The following PCDHGB7 variants were observed in gnomAD, a reference collection of about 807,000 sequenced individuals.
The protein encoded by PCDHGB7 is protocadherin gamma subfamily B, 7, also known as protocadherin gamma-B7.
A neutral mutation model predicts 61.4 loss-of-function variants in PCDHGB7; 37 were observed. The ratio of observed to expected loss-of-function variants is 0.60; its 90% CI spans 0.46 to 0.79. The LOEUF (loss-of-function observed/expected upper bound fraction) is 0.79, where lower values mean the gene tolerates loss of function less well. PCDHGB7 is among the 30% of genes least tolerant of loss of function. The probability of loss-of-function intolerance (pLI) is 0.00; values close to 1 mark genes in which losing one functional copy is unlikely to be tolerated. For synonymous variants in PCDHGB7, 464 were observed against 503.5 expected (o/e 0.92, Z 1.05); for missense variants, 1,166 against 1,202.5 (o/e 0.97, Z 0.45).
At chr5:141,497,201 G>A (rs1190666375) in intron 2 of PCDHGB7, among the ~76,000 whole-genome samples, 1 of 93,734 alleles carries the variant, frequency 1.1e-5, no homozygotes, top group African/African-American at 8.6e-5. Flanking sequence ...AGAACAATGT[G>A]AGTGTAATGG....
intron 1 of PCDHGB7, chr5:141,421,916 G>A (rs754653877): frequency 2.5e-6 from 4 of 1,613,646 alleles, no homozygotes; most frequent in Non-Finnish European, 2.5e-6. Flanking sequence ...GTTCCCATTC[G>A]TGTGGTGGTC....
chr5:141,451,797 C>T (rs1207473455), intron 1 of PCDHGB7, among the ~76,000 whole-genome samples: 1 of 152,006 alleles, frequency 6.6e-6, no homozygotes, highest in African/African-American at 2.4e-5. Context: ...CAGAGAATTG[C>T]TTGAACCCAG....
At chr5:141,430,656 G>A in intron 1 of PCDHGB7, 1 of 1,092,670 alleles carries the variant, frequency 9.2e-7, no homozygotes, top group Non-Finnish European at 1.3e-6. Context: ...GGAAACAACG[G>A]AGGAGCTCTG....
At chr5:141,465,831 T>A (rs997004387) in intron 1 of PCDHGB7, among the ~76,000 whole-genome samples, 1 of 151,980 alleles carries the variant, frequency 6.6e-6, no homozygotes, top group African/African-American at 2.4e-5. Context: ...TTGTTTAAAA[T>A]TTCAACTGAG....
intron 1 of PCDHGB7, among the ~76,000 whole-genome samples, chr5:141,475,732 C>T (rs2099367914): frequency 6.6e-6 from 1 of 152,248 alleles, no homozygotes; most frequent in Non-Finnish European, 1.5e-5. Context: ...GCTGGCTTTC[C>T]CTAAGGTAGG....
chr5:141,428,115 G>A (rs753384738), intron 1 of PCDHGB7: 2 of 1,607,178 alleles, frequency 1.2e-6, no homozygotes, highest in Non-Finnish European at 8.5e-7. Flanking sequence ...GCAGGCCATC[G>A]AGCCCGGGCT....
chr5:141,488,193 T>C (rs1211647195), intron 1 of PCDHGB7, among the ~76,000 whole-genome samples: 1 of 152,122 alleles, frequency 6.6e-6, no homozygotes, highest in Non-Finnish European at 1.5e-5. Flanking sequence ...TTGGTCTGGG[T>C]CTTAGGACTC....
intron 1 of PCDHGB7, among the ~76,000 whole-genome samples, chr5:141,469,642 A>G (rs1339074059): frequency 2.0e-5 from 3 of 152,244 alleles, no homozygotes; most frequent in Admixed American, 6.5e-5. Flanking sequence ...AAATATTTTG[A>G]TGACATAATT....
At chr5:141,466,809 C>T (rs1187657283) in intron 1 of PCDHGB7, among the ~76,000 whole-genome samples, 2 of 152,102 alleles carry the variant, frequency 1.3e-5, no homozygotes, top group African/African-American at 4.8e-5. Context: ...CCTATTCAGA[C>T]ATGGTATAAC....
At chr5:141,425,069 A>G (rs771114613) in intron 1 of PCDHGB7, among the ~76,000 whole-genome samples, 1 of 152,170 alleles carries the variant, frequency 6.6e-6, no homozygotes. Context: ...GACAAAAATA[A>G]TTTCAACTGT....
At chr5:141,466,763 C>T (rs960940073) in intron 1 of PCDHGB7, among the ~76,000 whole-genome samples, 31 of 152,272 alleles carry the variant, frequency 2.0e-4, no homozygotes, top group Middle Eastern at 6.8e-3. Context: ...TCTTTTCAAA[C>T]TGTTATCTTA....
chr5:141,478,124 T>C (rs776469996), intron 1 of PCDHGB7: 1 of 1,613,978 alleles, frequency 6.2e-7, no homozygotes, highest in South Asian at 1.1e-5. Flanking sequence ...AACCGAGGAC[T>C]CTCCTGAAGC....
chr5:141,477,168 A>C lies in PCDHGB7; in HGVS notation c.2416-17639A>C, dbSNP rs763187246. 1 of 1,614,210 alleles carries C rather than the reference A, an allele frequency of 6.2e-7. No homozygotes were observed. The highest frequency in any genetic ancestry group is 8.5e-7 in the Non-Finnish European group (1 of 1,180,040). On this transcript the variant is annotated intron_variant, in intron 1 of 3. Transcript: ENST00000398594. This position sits in a 1 kb window ranked among gnomAD's most constrained non-coding sequence, Gnocchi z 4.9. ...GTGGATGTGAATGACAACGCCCCGG[A>C]GATCACAGTCACCTCCGTGTACAGC...
Position 141,418,360 on chromosome 5 carries a change from G to A in PCDHGB7, c.501G>A (p.Leu167=), listed in dbSNP as rs544948410. 3 of 1,613,990 alleles carry A rather than the reference G, an allele frequency of 1.9e-6. No individual in the cohort carries two copies. The highest frequency in any genetic ancestry group is 2.5e-6 in the Non-Finnish European group (3 of 1,179,896). ...AEDPDISMNS[L]SKYQLSPNEY... ...ATCCTGATATTAGTATGAATTCGCT[G>A]AGCAAATACCAACTAAGTCCTAACG... The change falls in exon 1 of 4, where the codon CTG becomes CTA. Residue 167 remains leucine, a synonymous_variant. Coordinates refer to ENST00000398594, the MANE Select transcript of PCDHGB7 (RefSeq NM_018927.4).
rs187307897 is a variant in PCDHGB7 at position 141,505,900 on chromosome 5, A to G, written c.2563+419A>G. 2.6e-4 allele frequency among the ~76,000 whole-genome samples: 39 copies of G among 152,296 alleles called. 1 individual carries two copies. In the East Asian group the frequency reaches 6.8e-3, roughly 26 times the overall value. ...TGTAGAGATTAAATGAGATGATACCACAAAGCATAGAGTTCTGGGCCTGGC... is the reference window on the plus strand; with the variant it reads ...TGTAGAGATTAAATGAGATGATACCGCAAAGCATAGAGTTCTGGGCCTGGC... On this transcript the variant is annotated intron_variant, in intron 3 of 3. Transcript: ENST00000398594.
Position 141,478,415 on chromosome 5 carries a change from C to A in PCDHGB7, c.2416-16392C>A, listed in dbSNP as rs182700706. 5.6e-6 allele frequency: 9 copies of A among 1,613,648 alleles called. No homozygotes were observed. In the East Asian group the frequency reaches 2.0e-4, roughly 36 times the overall value. ...TCAGGTGTATCTCACCACGGACTCC[C>A]GCCGCAGCGACCCGCTGCTGAAGAA... On this transcript the variant is annotated intron_variant, in intron 1 of 3. Coordinates refer to ENST00000398594, the MANE Select transcript of PCDHGB7 (RefSeq NM_018927.4).
Position 141,476,264 on chromosome 5 carries a change from G to C in PCDHGB7, c.2416-18543G>C, listed in dbSNP as rs753184649. The C allele has an allele frequency of 6.2e-7, 1 of 1,614,082 alleles. No individual in the cohort carries two copies. Among genetic ancestry groups the C allele is most frequent in the Non-Finnish European group, 8.5e-7 (1 of 1,180,010 alleles). On this transcript the variant is annotated intron_variant, in intron 1 of 3. Transcript: ENST00000398594. This position sits in a 1 kb window ranked among gnomAD's most constrained non-coding sequence, Gnocchi z 7.6. ...AGAGAAGGGTTTCGCTGTGGGCAAC[G>C]TGGTCGCGAACCTTGGTTTGGATCT...
chr5:141,423,760 G>T, intron 1 of PCDHGB7: 23 of 279,644 alleles, frequency 8.2e-5, no homozygotes, highest in South Asian at 2.0e-4. Flanking sequence ...TGGGGGGGGG[G>T]TGGGGCGGCA....
rs1427881816 is a variant in PCDHGB7 at position 141,486,740 on chromosome 5, T to C, written c.2416-8067T>C. ...AGGAGCTGTTCATGCTACTCGATCC[T>C]TTGACTATGAGCAAACCCAGACACT... On this transcript the variant is annotated intron_variant, in intron 1 of 3. Coordinates refer to ENST00000398594, the MANE Select transcript of PCDHGB7 (RefSeq NM_018927.4). The surrounding 1 kb of genome is among the most constrained non-coding windows in gnomAD (Gnocchi z 5.0). 6.2e-7 allele frequency: 1 copy of C among 1,614,234 alleles called. No homozygotes were observed. Among genetic ancestry groups the C allele is most frequent in the Admixed American group, 1.7e-5 (1 of 60,026 alleles).
Sources: allele counts gnomAD v4.1 joint callset (sites outside exome capture counted in the v4.1 genomes callset), GRCh38; gene constraint gnomAD v4.1.1; non-coding constraint Gnocchi (gnomAD v3.1); transcripts MANE v1.5; gene names NCBI Gene and HGNC (gene_info 2026-07-23, HGNC 2026-07-21).